The following ITSN2 variants were observed in gnomAD, a reference collection of about 807,000 sequenced individuals.
ITSN2 encodes intersectin-2.
ITSN2 carries 156 observed loss-of-function variants against 243.7 expected under a neutral mutation model. The ratio of observed to expected loss-of-function variants is 0.64; its 90% CI spans 0.56 to 0.73. ITSN2 has a LOEUF of 0.73. Among genes scored for constraint, ITSN2 ranks in the 30% least tolerant of loss-of-function variants. ITSN2 has a pLI of 0.00. For synonymous variants in ITSN2, 703 were observed against 699.9 expected (o/e 1.00, Z -0.07); for missense variants, 1,801 against 1,996.1 (o/e 0.90, Z 1.86).
chr2:24,215,040 T>C (rs1043257710), intron 32 of ITSN2, among the ~76,000 whole-genome samples: 6 of 152,240 alleles, frequency 3.9e-5, no homozygotes, highest in African/African-American at 1.4e-4. Context: ...AAAATATGAC[T>C]TTCTATTATA....
At chr2:24,337,334 A>ATATATATATATATG (rs1553395952) in intron 1 of ITSN2, among the ~76,000 whole-genome samples, 1,659 of 108,436 alleles carry the variant, frequency 0.015, 143 homozygotes, top group South Asian at 0.025. Context: ...ATATATATAT[A>ATATATATATATATG]TATATATATA....
At chr2:24,236,759 T>C (rs1039865147) in intron 29 of ITSN2, among the ~76,000 whole-genome samples, 1 of 151,102 alleles carries the variant, frequency 6.6e-6, no homozygotes, top group African/African-American at 2.4e-5. Context: ...AGCCTCGATC[T>C]CCCAGGCTCA....
intron 1 of ITSN2, among the ~76,000 whole-genome samples, chr2:24,335,917 C>A (rs1359894976): frequency 1.3e-5 from 2 of 151,256 alleles, no homozygotes; most frequent in Non-Finnish European, 1.5e-5. Context: ...CAGGCGTGAG[C>A]AACCACGCCC....
At chr2:24,264,697 TACACACAC>T (rs55826835) in intron 20 of ITSN2, among the ~76,000 whole-genome samples, 1 of 49,970 alleles carries the variant, frequency 2.0e-5, no homozygotes, top group African/African-American at 6.6e-5. Context: ...CTGTTGTTTA[TACACACAC>T]ACACACACAC....
chr2:24,274,042 T>C (rs1295478372), intron 18 of ITSN2, among the ~76,000 whole-genome samples: 1 of 152,212 alleles, frequency 6.6e-6, no homozygotes. Context: ...ATAACTAGTA[T>C]AATCTTTTGG....
chr2:24,303,740 G>T, intron 9 of ITSN2, 59 bp downstream of exon 9: 1 of 1,030,774 alleles, frequency 9.7e-7, no homozygotes, highest in Non-Finnish European at 1.5e-6. Flanking sequence ...AGGGGAGAGA[G>T]AGTTTAATTA....
chr2:24,295,655 A>T lies in ITSN2; in HGVS notation c.1635+9T>A, dbSNP rs555287127. On this transcript the variant is annotated intron_variant, in intron 14 of 39. Coordinates refer to ENST00000355123, the MANE Select transcript of ITSN2 (RefSeq NM_006277.3). ...ATGTTTAAGAACAATTTAGCAGTGA[A>T]GGACTTACCTGAAGTTCCTGTTGAA... The T allele has an allele frequency of 6.6e-7, 1 of 1,522,236 alleles. No homozygotes were observed. Among genetic ancestry groups the T allele is most frequent in the African/African-American group, 1.4e-5 (1 of 68,966 alleles). 94.3% of individuals were successfully genotyped at this position (1,522,236 alleles called of 1,614,324 possible). A position where few individuals can be genotyped will look rare whatever the true frequency, so the allele number is the denominator to read the frequency against.
At chr2:24,261,946 T>C (rs138613504) in intron 20 of ITSN2, among the ~76,000 whole-genome samples, 3 of 140,850 alleles carry the variant, frequency 2.1e-5, no homozygotes, top group Non-Finnish European at 4.6e-5. Flanking sequence ...CCAAGTTACA[T>C]GAAAATATTT....
chr2:24,251,180 C>A (rs992930861), intron 25 of ITSN2, among the ~76,000 whole-genome samples: 12 of 149,650 alleles, frequency 8.0e-5, no homozygotes, highest in Non-Finnish European at 1.8e-4. Context: ...CAAAAATTAG[C>A]CAGGCATGGT....
In ITSN2 at chr2:24,351,845, C is replaced by T. The variant is rs527875034; in HGVS notation, c.-34+8459G>A. Among the ~76,000 whole-genome samples, 5 of 152,092 alleles carry T rather than the reference C, an allele frequency of 3.3e-5. No homozygotes were observed. The East Asian group carries it at 9.7e-4, about 29-fold the overall frequency. ...AACCCTTATTTTACTTAATAATGAC[C>T]CCAAAGTGCAAGAGTAGTGAGGCTG... is the stretch of plus-strand genomic sequence containing the variant. On this transcript the variant is annotated intron_variant, in intron 1 of 39. Coordinates refer to ENST00000355123, the MANE Select transcript of ITSN2 (RefSeq NM_006277.3).
In ITSN2 at chr2:24,300,136, G is replaced by A. The variant is rs1398476604; in HGVS notation, c.1117C>T (p.Arg373Ter). 1.9e-6 allele frequency: 3 copies of A among 1,613,976 alleles called. No homozygotes were observed. The highest frequency in any genetic ancestry group is 2.5e-6 in the Non-Finnish European group (3 of 1,180,014). ...FEDKRKANYE[R>*]GNMELEKRRQ... ...CGCTTTTCCAGCTCCATGTTCCCTC[G>A]CTCATAGTTGGCTTTCCGTTTGTCC... is the stretch of plus-strand genomic sequence containing the variant. Residue 373 changes from arginine to a stop codon, truncating the protein, a stop_gained, in exon 12 of 40, where the codon CGA becomes TGA. Transcript: ENST00000355123. LOFTEE classifies it high-confidence loss of function.
chr2:24,283,273 G>A (rs963027506), intron 17 of ITSN2, among the ~76,000 whole-genome samples: 1 of 151,748 alleles, frequency 6.6e-6, no homozygotes, highest in South Asian at 2.1e-4. Context: ...TGACCAGGCT[G>A]GAGTGCAATG....
chr2:24,300,580 A>G (rs1260011614), intron 11 of ITSN2, among the ~76,000 whole-genome samples: 1 of 152,114 alleles, frequency 6.6e-6, no homozygotes, highest in Non-Finnish European at 1.5e-5. Flanking sequence ...TTAGCCAGGC[A>G]TAGTGGCAGG....
chr2:24,303,495 A>G (rs1682059778), intron 9 of ITSN2, among the ~76,000 whole-genome samples: 1 of 152,274 alleles, frequency 6.6e-6, no homozygotes, highest in Non-Finnish European at 1.5e-5. Flanking sequence ...TGTTATTACA[A>G]GAGTCAAAAA....
chr2:24,217,994 G>A lies in ITSN2; in HGVS notation c.3719C>T (p.Ala1240Val). ...CCCTTCAGTGAGAAAGCCTGACTCTGCCATGCGTTTCTGAAAAACCTAAAG... is the reference window on the plus strand; with the variant it reads ...CCCTTCAGTGAGAAAGCCTGACTCTACCATGCGTTTCTGAAAAACCTAAAG... ...LVVEVFQKRM[A>V]ESGFLTEGEM... The change falls in exon 31 of 40, where the codon GCA becomes GTA. Residue 1240 changes from alanine to valine, a missense_variant. Around this residue, in one of 5 missense-constraint regions of ITSN2, gnomAD observed 928 missense variants for 1,065.4 expected, o/e 0.87. Coordinates refer to ENST00000355123, the MANE Select transcript of ITSN2 (RefSeq NM_006277.3). The A allele has an allele frequency of 5.0e-6, 8 of 1,613,762 alleles. No individual in the cohort carries two copies. Among genetic ancestry groups the A allele is most frequent in the Non-Finnish European group, 6.8e-6 (8 of 1,179,674 alleles).
chr2:24,280,037 T>G (rs1342509182), intron 17 of ITSN2, among the ~76,000 whole-genome samples: 1 of 152,152 alleles, frequency 6.6e-6, no homozygotes, highest in Non-Finnish European at 1.5e-5. Context: ...TGGCCAGATG[T>G]GTGAATTTTC....
chr2:24,268,982 T>C (rs991700748), intron 20 of ITSN2, among the ~76,000 whole-genome samples: 1 of 152,120 alleles, frequency 6.6e-6, no homozygotes, highest in Non-Finnish European at 1.5e-5. Flanking sequence ...ATTGCTAATC[T>C]AATAATTTTT....
intron 13 of ITSN2, 143 bp downstream of exon 13, chr2:24,298,522 C>G (rs923375316): frequency 1.5e-6 from 1 of 668,678 alleles, no homozygotes; most frequent in African/African-American, 1.9e-5. Context: ...GTTTCAAACT[C>G]CTGCCCCAGT....
chr2:24,249,212 C>T lies in ITSN2; in HGVS notation c.3121-330G>A, dbSNP rs879371040. Among the ~76,000 whole-genome samples the T allele has an allele frequency of 6.6e-6, 1 of 152,208 alleles. No individual in the cohort carries two copies. The highest frequency in any genetic ancestry group is 2.4e-5 in the African/African-American group (1 of 41,450). On this transcript the variant is annotated intron_variant, in intron 25 of 39. Coordinates refer to ENST00000355123, the MANE Select transcript of ITSN2 (RefSeq NM_006277.3). This position sits in a 1 kb window ranked among gnomAD's most constrained non-coding sequence, Gnocchi z 4.4. ...ACTCCATTTATCAATGGCGTTAGCA[C>T]CAATGCCCACTATGCACAACATATG...
Sources: gnomAD v4.1 joint callset for allele counts (sites outside exome capture counted in the v4.1 genomes callset) on GRCh38, gnomAD v4.1.1 for gene constraint, gnomAD v4.1.1 regional missense constraint, Gnocchi (gnomAD v3.1) non-coding constraint, MANE v1.5 for transcripts, NCBI Gene and HGNC (gene_info 2026-07-23, HGNC 2026-07-21) for gene names.